Variants in ELP3 observed in about 807,000 individuals in gnomAD.
The protein encoded by ELP3 is elongator acetyltransferase complex subunit 3, also known as elongator complex protein 3.
In ELP3, 56 loss-of-function variants were observed where a neutral mutation model predicts 74.9. That is an observed-to-expected ratio of 0.75 (90% CI 0.60 to 0.93). ELP3 has a LOEUF of 0.93. Among genes scored for constraint, ELP3 ranks in the 40% least tolerant of loss-of-function variants. The pLI, the probability that ELP3 is intolerant of heterozygous loss-of-function variation, is 0.00. For missense variants in ELP3, 573 were observed against 686.5 expected, an observed-to-expected ratio of 0.83 and a Z score of 1.85; for synonymous variants, 222 against 239.8, an observed-to-expected ratio of 0.93 and a Z score of 0.68.
chr8:28,142,972 C>T (rs951693473), intron 10 of ELP3, among the ~76,000 whole-genome samples: 3 of 152,032 alleles, frequency 2.0e-5, no homozygotes, highest in South Asian at 2.1e-4. Flanking sequence ...TTATGTTTTG[C>T]ATTGAGTGTT....
At chr8:28,133,929 T>G (rs1232937546) in intron 9 of ELP3, among the ~76,000 whole-genome samples, 1 of 152,116 alleles carries the variant, frequency 6.6e-6, no homozygotes, top group Non-Finnish European at 1.5e-5. Context: ...AAAAGGCACC[T>G]GAAACACACT....
intron 5 of ELP3, among the ~76,000 whole-genome samples, chr8:28,108,247 A>G (rs1174741620): frequency 6.6e-6 from 1 of 152,152 alleles, no homozygotes; most frequent in Non-Finnish European, 1.5e-5. Context: ...ACCTTATTGC[A>G]GTGTTTTGAA....
intron 2 of ELP3, 86 bp downstream of exon 2, chr8:28,097,404 T>C: frequency 2.4e-6 from 2 of 836,104 alleles, no homozygotes; most frequent in South Asian, 1.8e-5. Flanking sequence ...GTTTTCCAGC[T>C]CAAGTTTTAT....
In ELP3 at chr8:28,190,988, C is replaced by T. The variant is rs1436986423; in HGVS notation, c.*1263C>T. 1 of 152,154 alleles carries T rather than the reference C, an allele frequency of 6.6e-6. No homozygotes were observed. Among genetic ancestry groups the T allele is most frequent in the East Asian group, 1.9e-4 (1 of 5,194 alleles). 9.4% of individuals were successfully genotyped at this position (152,154 alleles called of 1,614,324 possible). A position where few individuals can be genotyped will look rare whatever the true frequency, so the allele number is the denominator to read the frequency against. ...TTCAAAGGCTCCTCTTGTAGAACTG[C>T]CTCTTTGAAATTTCGAGGTAATCTA... On this transcript the variant is annotated 3_prime_UTR_variant, in exon 15 of 15. Transcript: ENST00000256398.
chr8:28,167,385 T>A (rs1433548470), intron 14 of ELP3, among the ~76,000 whole-genome samples: 1 of 152,226 alleles, frequency 6.6e-6, no homozygotes, highest in Non-Finnish European at 1.5e-5. Context: ...TGTTGAAGCA[T>A]TTAAACTACA....
At position 28,138,072 on chromosome 8, in the gene ELP3, A is replaced by G. The variant is rs566750560; in HGVS notation, c.1100+181A>G. ...ATAGCATGTCTAAGCCACTTTGCCA[A>G]TAACGTATTTATTTATCTACCCATT... is the stretch of plus-strand genomic sequence containing the variant. On this transcript the variant is annotated intron_variant, in intron 10 of 14. Transcript: ENST00000256398. Among the ~76,000 whole-genome samples, 7 of 152,350 alleles carry G rather than the reference A, an allele frequency of 4.6e-5. No homozygotes were observed. The East Asian group carries it at 7.7e-4, about 17-fold the overall frequency.
At chr8:28,172,370 G>A (rs916743990) in intron 14 of ELP3, among the ~76,000 whole-genome samples, 1 of 151,926 alleles carries the variant, frequency 6.6e-6, no homozygotes, top group African/African-American at 2.4e-5. Context: ...GCACCTCTTT[G>A]CTTAAATTTA....
intron 4 of ELP3, among the ~76,000 whole-genome samples, chr8:28,107,012 G>A (rs1048163421): frequency 1.3e-5 from 2 of 152,180 alleles, no homozygotes; most frequent in Non-Finnish European, 2.9e-5. Context: ...ATTTTGGGAG[G>A]CTGAGGCAGG....
intron 10 of ELP3, among the ~76,000 whole-genome samples, chr8:28,142,022 G>A (rs896294820): frequency 5.9e-5 from 9 of 152,194 alleles, no homozygotes; most frequent in African/African-American, 2.2e-4. Context: ...TGAGTCAAAA[G>A]CAGCAGAGAC....
At chr8:28,118,375 G>C (rs1812219595) in intron 7 of ELP3, among the ~76,000 whole-genome samples, 2 of 152,298 alleles carry the variant, frequency 1.3e-5, no homozygotes, top group South Asian at 4.1e-4. Context: ...AGCAGAGCCT[G>C]GTTATTATTT....
At position 28,160,294 on chromosome 8, in the gene ELP3, C is replaced by T. The variant is rs776397793; in HGVS notation, c.1323C>T (p.Asp441=). 8 of 1,614,068 alleles carry T rather than the reference C, an allele frequency of 5.0e-6. No individual in the cohort carries two copies. The highest frequency in any genetic ancestry group is 1.3e-5 in the African/African-American group (1 of 75,004). The stretch of plus-strand genomic sequence containing the variant: ...GGGAAACATTCTTGTCATACGAAGA[C>T]CCAGATCAAGACATTTTGATTGGCC... The part of the protein sequence containing the change: ...GGWETFLSYE[D]PDQDILIGLL... Residue 441 remains aspartate (D), a synonymous_variant, in exon 13 of 15, where the codon GAC becomes GAT. Coordinates refer to ENST00000256398, the MANE Select transcript of ELP3 (RefSeq NM_018091.6).
At chr8:28,093,824 C>T (rs778956834) in intron 1 of ELP3, among the ~76,000 whole-genome samples, 25 of 152,142 alleles carry the variant, frequency 1.6e-4, no homozygotes, top group Non-Finnish European at 2.9e-4. Context: ...ACCAGCTGGT[C>T]TAATCATGGT....
chr8:28,105,672 A>G (rs1416434139), intron 3 of ELP3, among the ~76,000 whole-genome samples: 1 of 152,236 alleles, frequency 6.6e-6, no homozygotes, highest in Non-Finnish European at 1.5e-5. Context: ...AGTCTACCAT[A>G]TGTTGAACAC....
intron 7 of ELP3, among the ~76,000 whole-genome samples, chr8:28,128,123 C>A (rs998136780): frequency 6.6e-6 from 1 of 152,028 alleles, no homozygotes; most frequent in Non-Finnish European, 1.5e-5. Context: ...CATCCTCCCC[C>A]CAAAATTGAG....
chr8:28,106,172 T>C (rs1375047623), intron 3 of ELP3, among the ~76,000 whole-genome samples: 1 of 152,212 alleles, frequency 6.6e-6, no homozygotes, highest in African/African-American at 2.4e-5. Context: ...ACTTCACATA[T>C]ATATTACATA....
intron 7 of ELP3, among the ~76,000 whole-genome samples, chr8:28,129,101 C>T (rs1443891934): frequency 6.6e-6 from 1 of 151,910 alleles, no homozygotes; most frequent in African/African-American, 2.4e-5. Flanking sequence ...ATGGTTTTCA[C>T]TTATGTGAAA....
At position 28,191,022 on chromosome 8, in the gene ELP3, A is replaced by G. The variant is rs1019350030; in HGVS notation, c.*1297A>G. The G allele has an allele frequency of 9.9e-5, 15 of 152,012 alleles. No individual in the cohort carries two copies. 9.4% of individuals were successfully genotyped at this position (152,012 alleles called of 1,614,324 possible). Reference sequence around the variant, plus strand: ...AATTTCGAGGTAATCTACTTTGGAGACTCTGCCTGGAGAGGGTCAGTTCCT... The same window carrying G: ...AATTTCGAGGTAATCTACTTTGGAGGCTCTGCCTGGAGAGGGTCAGTTCCT... On this transcript the variant is annotated 3_prime_UTR_variant, in exon 15 of 15. Transcript: ENST00000256398.
intron 7 of ELP3, among the ~76,000 whole-genome samples, chr8:28,119,411 T>C (rs866082846): frequency 1.2e-4 from 18 of 151,824 alleles, no homozygotes; most frequent in Admixed American, 5.9e-4. Flanking sequence ...CTCTCGCGTG[T>C]GCTTGCGCTG....
intron 12 of ELP3, 94 bp from the exon 13 acceptor site, chr8:28,160,135 A>T: frequency 9.1e-7 from 1 of 1,103,298 alleles, no homozygotes. Context: ...CTTATCCCTA[A>T]CTAGATATTA....
Sources: gnomAD v4.1 joint callset for allele counts (sites outside exome capture counted in the v4.1 genomes callset) on GRCh38, gnomAD v4.1.1 for gene constraint, MANE v1.5 for transcripts, NCBI Gene and HGNC (gene_info 2026-07-23, HGNC 2026-07-21) for gene names.